MSANTD3: variants seen among roughly 807,000 people sequenced by gnomAD.
MSANTD3 encodes the protein myb/SANT-like DNA-binding domain-containing protein 3.
A neutral mutation model predicts 27.7 loss-of-function variants in MSANTD3; 11 were observed. The ratio of observed to expected loss-of-function variants is 0.40; its 90% CI spans 0.25 to 0.66. MSANTD3 has a LOEUF of 0.66. Ranked by LOEUF, MSANTD3 falls within the 30% of genes least tolerant of loss-of-function variation. The pLI is 0.41. For synonymous variants in MSANTD3, 131 were observed against 127.2 expected (o/e 1.03, Z -0.20); for missense variants, 250 against 336.5 (o/e 0.74, Z 2.01).
At chr9:100,435,765 C>G (rs574126056) in intron 1 of MSANTD3, among the ~76,000 whole-genome samples, 2 of 152,178 alleles carry the variant, frequency 1.3e-5, no homozygotes, top group South Asian at 2.1e-4. Context: ...AAGGCACTAA[C>G]CCCACTGGAC....
In MSANTD3 at chr9:100,448,304, C is replaced by T. The variant is rs1056006829; in HGVS notation, c.419-2253C>T. 4 of 984,808 alleles carry T rather than the reference C, an allele frequency of 4.1e-6. No individual in the cohort carries two copies. The African/African-American group carries it at 5.3e-5, about 13-fold the overall frequency. 61.0% of individuals were successfully genotyped at this position (984,808 alleles called of 1,614,324 possible). On this transcript the variant is annotated intron_variant, in intron 2 of 2. Transcript: ENST00000395067. The stretch of plus-strand genomic sequence containing the variant: ...CTCAGAGGAGTATCCAGAACTATCC[C>T]CTGGAATGAAATCAAAGAGAAAAGA...
At chr9:100,428,530 C>T (rs1057140091) in intron 1 of MSANTD3, among the ~76,000 whole-genome samples, 1 of 152,112 alleles carries the variant, frequency 6.6e-6, no homozygotes, top group South Asian at 2.1e-4. Context: ...CACCATCCCT[C>T]CCCTGCAGCA....
intron 1 of MSANTD3, among the ~76,000 whole-genome samples, chr9:100,435,572 A>G (rs188205549): frequency 6.6e-6 from 1 of 152,328 alleles, no homozygotes; most frequent in African/African-American, 2.4e-5. Context: ...TTGCAGTTCT[A>G]GAGGCTGAGA....
chr9:100,450,840 G>A lies in MSANTD3; in HGVS notation c.702G>A (p.Glu234=). Residue 234 remains glutamate, a synonymous_variant, in exon 3 of 3, where the codon GAG becomes GAA. Transcript: ENST00000395067. ...QQIERECEMA[E]EEHRIKMEVL... is the part of the protein sequence containing the mutation. Reference sequence around the variant, plus strand: ...TAGAGCGAGAGTGTGAGATGGCAGAGGAGGAACACAGGATAAAAATGGAAG... The same window carrying A: ...TAGAGCGAGAGTGTGAGATGGCAGAAGAGGAACACAGGATAAAAATGGAAG... 3.1e-6 allele frequency: 5 copies of A among 1,614,120 alleles called. No homozygotes were observed. Among genetic ancestry groups the A allele is most frequent in the Non-Finnish European group, 4.2e-6 (5 of 1,180,018 alleles).
intron 2 of MSANTD3, chr9:100,444,138 C>T (rs1270067729): frequency 6.6e-6 from 1 of 152,170 alleles, no homozygotes; most frequent in Non-Finnish European, 1.5e-5. Context: ...GCAGACGATC[C>T]TGGAGAAGCA....
At chr9:100,430,021 G>A (rs549220794) in intron 1 of MSANTD3, among the ~76,000 whole-genome samples, 49 of 149,626 alleles carry the variant, frequency 3.3e-4, no homozygotes, top group African/African-American at 1.2e-3. Flanking sequence ...GGTTTTGAAT[G>A]CTCCTTTACC....
At chr9:100,448,286 G>A (rs1235610548) in intron 2 of MSANTD3, 1 of 984,948 alleles carries the variant, frequency 1.0e-6, no homozygotes, top group Non-Finnish European at 1.2e-6. Context: ...GGACTCAGAG[G>A]AGTATCCAGA....
In MSANTD3 at chr9:100,427,266, C is replaced by A. The variant is rs1836265263; in HGVS notation, c.-161C>A. ...GCCGGGGGCGCGCCGCCGCCGCCGC[C>A]GCCGCCCGGCGTTCGGGAGCCCGCG... On this transcript the variant is annotated 5_prime_UTR_variant, in exon 1 of 3. Transcript: ENST00000395067. The A allele has an allele frequency of 6.9e-6, 1 of 145,580 alleles. No individual in the cohort carries two copies. The highest frequency in any genetic ancestry group is 1.5e-5 in the Non-Finnish European group (1 of 65,562). 9.0% of individuals were successfully genotyped at this position (145,580 alleles called of 1,614,324 possible).
At chr9:100,450,510 C>A in intron 2 of MSANTD3, 47 bp from the exon 3 acceptor site, 1 of 1,440,368 alleles carries the variant, frequency 6.9e-7, no homozygotes, top group Non-Finnish European at 9.3e-7. Context: ...TTTTTTTTCT[C>A]TGCCTGTAAA....
chr9:100,449,020 C>T, intron 2 of MSANTD3: 1 of 985,300 alleles, frequency 1.0e-6, no homozygotes, highest in Non-Finnish European at 1.2e-6. Flanking sequence ...TGAACATTCC[C>T]AGCATCTCAT....
intron 2 of MSANTD3, chr9:100,448,826 G>A: frequency 1.0e-6 from 1 of 985,304 alleles, no homozygotes; most frequent in Non-Finnish European, 1.2e-6. Flanking sequence ...TTTCTGGATG[G>A]CACCGAAGTA....
Position 100,442,328 on chromosome 9 carries a change from C to G in MSANTD3, c.390C>G (p.Pro130=), listed in dbSNP as rs145549170. The G allele has an allele frequency of 5.0e-6, 8 of 1,613,208 alleles. No individual in the cohort carries two copies. Among genetic ancestry groups the G allele is most frequent in the African/African-American group, 4.0e-5 (3 of 74,914 alleles). Residue 130 remains proline (P), a synonymous_variant, in exon 2 of 3, where the codon CCC becomes CCG. Coordinates refer to ENST00000395067, the MANE Select transcript of MSANTD3 (RefSeq NM_080655.3). ...YFLQSPPEEE[P]EYHPDASAQE... is the part of the protein sequence containing the mutation. ...TGCAGAGCCCCCCGGAGGAGGAGCC[C>G]GAATACCACCCCGACGCCTCAGCCC... is the stretch of plus-strand genomic sequence containing the variant.
At position 100,451,142 on chromosome 9, in the gene MSANTD3, G is replaced by T; in HGVS notation, c.*176G>T. On this transcript the variant is annotated 3_prime_UTR_variant, in exon 3 of 3. Transcript: ENST00000395067. ...CTGCACCCTCTGTACCCCTTAAGTG[G>T]CAAAGAAGCTGTTATAGTCTTCTGA... 1.7e-6 allele frequency: 1 copy of T among 573,146 alleles called. No individual in the cohort carries two copies. The highest frequency in any genetic ancestry group is 3.0e-6 in the Non-Finnish European group (1 of 338,698). The allele number at this position is 573,146 out of a possible 1,614,324, so 35.5% of individuals were successfully genotyped here. A position where few individuals can be genotyped will look rare whatever the true frequency, so the allele number is the denominator to read the frequency against.
At chr9:100,447,054 G>A (rs1285684274) in intron 2 of MSANTD3, among the ~76,000 whole-genome samples, 1 of 152,060 alleles carries the variant, frequency 6.6e-6, no homozygotes, top group Non-Finnish European at 1.5e-5. Context: ...AGTTGTCCAA[G>A]TGAAAGAAAA....
In MSANTD3 at chr9:100,441,927, A is replaced by G. The variant is rs1237806753; in HGVS notation, c.-12A>G. ...ACAGGATAGCTAGCGGCCAGGAGAA[A>G]TACAGTGGAAAATGCAAAACAACGA... On this transcript the variant is annotated 5_prime_UTR_variant, in exon 2 of 3. Coordinates refer to ENST00000395067, the MANE Select transcript of MSANTD3 (RefSeq NM_080655.3). 1.3e-6 allele frequency: 2 copies of G among 1,595,860 alleles called. No individual in the cohort carries two copies. The highest frequency in any genetic ancestry group is 3.5e-5 in the Admixed American group (2 of 57,942).
In MSANTD3 at chr9:100,431,086, TC is replaced by T. The variant is rs547964396; in HGVS notation, c.-34+3695del. Among the ~76,000 whole-genome samples the T allele has an allele frequency of 2.7e-4, 41 of 152,048 alleles. No individual in the cohort carries two copies. The South Asian group carries it at 8.3e-3, about 31-fold the overall frequency. ...GGCGCAATCTCGGCTCACCGCAACT[TC>T]CACCTCCCGGGTTCAAGCAATTCTC... On this transcript the variant is annotated intron_variant, in intron 1 of 2. Coordinates refer to ENST00000395067, the MANE Select transcript of MSANTD3 (RefSeq NM_080655.3).
chr9:100,427,646 T>TG (rs1381173962), intron 1 of MSANTD3: 1 of 151,614 alleles, frequency 6.6e-6, no homozygotes, highest in Non-Finnish European at 1.5e-5. Flanking sequence ...CGCCCACGGC[T>TG]GGGAGCGGGG....
In MSANTD3 at chr9:100,442,233, C is replaced by T; in HGVS notation, c.295C>T (p.Pro99Ser). Residue 99 changes from proline to serine, a missense_variant, in exon 2 of 3, where the codon CCT becomes TCT. Coordinates refer to ENST00000395067, the MANE Select transcript of MSANTD3 (RefSeq NM_080655.3). ...AGAGAAAGTGAAACGGAGCGTCAGCCCTCTCCTGAGTACCCACGTCCTAGG... is the reference window on the plus strand; with the variant it reads ...AGAGAAAGTGAAACGGAGCGTCAGCTCTCTCCTGAGTACCCACGTCCTAGG... ...RREKVKRSVS[P>S]LLSTHVLGKE... 1 of 1,614,132 alleles carries T rather than the reference C, an allele frequency of 6.2e-7. No individual in the cohort carries two copies. Among genetic ancestry groups the T allele is most frequent in the Non-Finnish European group, 8.5e-7 (1 of 1,180,024 alleles).
intron 2 of MSANTD3, among the ~76,000 whole-genome samples, chr9:100,445,454 T>TA (rs556028796): frequency 4.1e-4 from 63 of 152,190 alleles, no homozygotes; most frequent in Non-Finnish European, 7.3e-4. Flanking sequence ...CCTAAAAATG[T>TA]AAAAAAACTC....
Sources: allele counts gnomAD v4.1 joint callset (sites outside exome capture counted in the v4.1 genomes callset), GRCh38; gene constraint gnomAD v4.1.1; transcripts MANE v1.5; gene names NCBI Gene and HGNC (gene_info 2026-07-23, HGNC 2026-07-21).